The following SYNE2 variants were observed in gnomAD, a reference collection of about 807,000 sequenced individuals.
SYNE2 encodes the protein spectrin repeat containing nuclear envelope protein 2.
SYNE2 carries 431 observed loss-of-function variants against 856.3 expected under a neutral mutation model. That is an observed-to-expected ratio of 0.50 (90% CI 0.47 to 0.55). SYNE2 has a LOEUF of 0.55. Among genes scored for constraint, SYNE2 ranks in the 20% least tolerant of loss-of-function variants. The pLI is 0.00. For synonymous variants in SYNE2, 2,923 were observed against 2,872.3 expected (o/e 1.02, Z -0.56); for missense variants, 8,129 against 8,023.2 (o/e 1.01, Z -0.50).
At chr14:63,990,878 G>T in intron 20 of SYNE2, 64 bp from the exon 21 acceptor site, 1 of 1,355,412 alleles carries the variant, frequency 7.4e-7, no homozygotes, top group Admixed American at 1.7e-5. Flanking sequence ...CAAAGTATTT[G>T]TTAACTTAAG....
intron 100 of SYNE2, among the ~76,000 whole-genome samples, chr14:64,204,863 A>T (rs2140038673): frequency 6.6e-6 from 1 of 152,354 alleles, no homozygotes; most frequent in Non-Finnish European, 1.5e-5. Flanking sequence ...CACTGGGCTA[A>T]GATCAGGGTG....
Position 64,212,895 on chromosome 14 carries a change from C to A in SYNE2, c.18946C>A (p.Pro6316Thr). The change falls in exon 105 of 116, where the codon CCC becomes ACC. Residue 6316 changes from proline (P) to threonine (T), a missense_variant. Physicochemically the swap from Pro to Thr is conservative, Grantham distance 38. Transcript: ENST00000555002. Reference sequence around the variant, plus strand: ...GGAGCAGCTGATTCAGAAGAGCGAGCCCCTGGATGCTGTGCTGATTGAGGA... The same window carrying A: ...GGAGCAGCTGATTCAGAAGAGCGAGACCCTGGATGCTGTGCTGATTGAGGA... ...FGEQLIQKSE[P>T]LDAVLIEDEL... 1 of 1,614,168 alleles carries A rather than the reference C, an allele frequency of 6.2e-7. No individual in the cohort carries two copies. Among genetic ancestry groups the A allele is most frequent in the Non-Finnish European group, 8.5e-7 (1 of 1,180,034 alleles).
intron 34 of SYNE2, among the ~76,000 whole-genome samples, chr14:64,019,226 T>C (rs1246445117): frequency 4.0e-5 from 6 of 151,628 alleles, no homozygotes; most frequent in Non-Finnish European, 7.4e-5. Flanking sequence ...TGAGCAGAGA[T>C]TGCACCACTG....
At chr14:63,948,782 G>GTGTATATATATA (rs1454688156) in intron 6 of SYNE2, among the ~76,000 whole-genome samples, 10 of 43,892 alleles carry the variant, frequency 2.3e-4, no homozygotes, top group African/African-American at 4.8e-4. Flanking sequence ...ATGTGTGTGT[G>GTGTATATATATA]TATATATATA....
At chr14:63,823,349 G>A (rs944703356) in intron 1 of SYNE2, among the ~76,000 whole-genome samples, 12 of 151,984 alleles carry the variant, frequency 7.9e-5, no homozygotes, top group Admixed American at 2.0e-4. Context: ...TAGCGCATTC[G>A]TATTTTTAGT....
chr14:64,121,091 C>T (rs1374465448), intron 68 of SYNE2, 30 bp downstream of exon 68: 1 of 1,613,326 alleles, frequency 6.2e-7, no homozygotes, highest in African/African-American at 1.3e-5. Context: ...GTTGTAGGGA[C>T]TAGAATATAA....
At chr14:64,117,083 C>CT (rs1161137123) in intron 66 of SYNE2, among the ~76,000 whole-genome samples, 1 of 152,076 alleles carries the variant, frequency 6.6e-6, no homozygotes, top group Non-Finnish European at 1.5e-5. Flanking sequence ...CAATGGATGC[C>CT]TGAAACCGTG....
At chr14:64,124,718 G>T (rs573931086) in intron 70 of SYNE2, among the ~76,000 whole-genome samples, 1 of 152,084 alleles carries the variant, frequency 6.6e-6, no homozygotes, top group Non-Finnish European at 1.5e-5. Flanking sequence ...ATTAATATCA[G>T]CAGGCTGGAC....
At chr14:64,068,221 A>G (rs2097372683) in intron 51 of SYNE2, among the ~76,000 whole-genome samples, 1 of 152,188 alleles carries the variant, frequency 6.6e-6, no homozygotes, top group Non-Finnish European at 1.5e-5. Context: ...CATGATCACC[A>G]GCAAAATCAA....
At chr14:63,862,535 A>G (rs533795765) in intron 1 of SYNE2, among the ~76,000 whole-genome samples, 1 of 152,036 alleles carries the variant, frequency 6.6e-6, no homozygotes, top group African/African-American at 2.4e-5. Flanking sequence ...TGTGCCTGGC[A>G]AAAATAAGTA....
chr14:63,815,146 A>C (rs145994516), intron 1 of SYNE2, among the ~76,000 whole-genome samples: 1,779 of 55,066 alleles, frequency 0.032, 160 homozygotes, highest in African/African-American at 0.088. Context: ...CCATATATAT[A>C]CACATATATA....
chr14:64,129,851 G>C lies in SYNE2; in HGVS notation c.14089G>C (p.Glu4697Gln). ...SRVAKLRDEGERLHLPYALLQ... is the reference protein window; with the variant it reads ...SRVAKLRDEGQRLHLPYALLQ... ...AGTGGCCAAACTAAGAGATGAAGGG[G>C]AGAGGCTTCATTTACCTTATGCTTT... Residue 4697 changes from glutamate (E) to glutamine (Q), a missense_variant, in exon 75 of 116, where the codon GAG becomes CAG. This residue lies in a region of SYNE2 where 5,410 missense variants were observed against 5,284.8 expected (regional missense o/e 1.02). Transcript: ENST00000555002. 1 of 1,614,182 alleles carries C rather than the reference G, an allele frequency of 6.2e-7. No individual in the cohort carries two copies. Among genetic ancestry groups the C allele is most frequent in the Non-Finnish European group, 8.5e-7 (1 of 1,180,030 alleles).
At chr14:64,180,026 A>G (rs1178692508) in intron 96 of SYNE2, among the ~76,000 whole-genome samples, 1 of 152,210 alleles carries the variant, frequency 6.6e-6, no homozygotes, top group Middle Eastern at 3.2e-3. Flanking sequence ...TCACATCTTT[A>G]TTCATTGAGG....
intron 78 of SYNE2, among the ~76,000 whole-genome samples, chr14:64,136,267 G>T (rs1238906994): frequency 6.9e-6 from 1 of 145,184 alleles, no homozygotes; most frequent in African/African-American, 2.6e-5. Context: ...TCCAGCCTGG[G>T]TGACAGAGCG....
intron 1 of SYNE2, among the ~76,000 whole-genome samples, chr14:63,894,535 T>C (rs1438629801): frequency 6.6e-6 from 1 of 152,006 alleles, no homozygotes; most frequent in Non-Finnish European, 1.5e-5. Context: ...TAAAATAACA[T>C]GTGTTTGCAT....
intron 96 of SYNE2, among the ~76,000 whole-genome samples, chr14:64,182,973 G>GC (rs573420880): frequency 7.2e-4 from 105 of 145,192 alleles, no homozygotes; most frequent in South Asian, 5.2e-3. Context: ...GGGCAGAGGC[G>GC]CCCCCCACCT....
intron 1 of SYNE2, among the ~76,000 whole-genome samples, chr14:63,768,678 C>T (rs1024341206): frequency 1.2e-4 from 19 of 152,180 alleles, no homozygotes; most frequent in African/African-American, 4.3e-4. Context: ...GTAGCCTGTC[C>T]GTATTGTAGG....
chr14:63,955,758 T>C (rs2096234021), intron 8 of SYNE2, among the ~76,000 whole-genome samples: 1 of 152,226 alleles, frequency 6.6e-6, no homozygotes, highest in Non-Finnish European at 1.5e-5. Context: ...TAAATAATTA[T>C]AACGTTTATG....
At chr14:64,133,339 A>G (rs1248600121) in intron 77 of SYNE2, among the ~76,000 whole-genome samples, 1 of 152,186 alleles carries the variant, frequency 6.6e-6, no homozygotes, top group Non-Finnish European at 1.5e-5. Context: ...TATTTTTTAA[A>G]AAAGACTCCA....
Sources: allele counts gnomAD v4.1 joint callset (sites outside exome capture counted in the v4.1 genomes callset), GRCh38; gene constraint gnomAD v4.1.1; regional missense constraint gnomAD v4.1.1; transcripts MANE v1.5; gene names NCBI Gene and HGNC (gene_info 2026-07-23, HGNC 2026-07-21).